Variants in VTI1A observed in about 807,000 individuals in gnomAD.
The protein encoded by VTI1A is vesicle transport through interaction with t-SNAREs homolog 1A.
A neutral mutation model predicts 34.9 loss-of-function variants in VTI1A; 22 were observed. That is an observed-to-expected ratio of 0.63 (90% CI 0.45 to 0.90). VTI1A has a LOEUF of 0.90. VTI1A is among the 40% of genes least tolerant of loss of function. The pLI is 0.00. For synonymous variants in VTI1A, 87 were observed against 97.3 expected (o/e 0.89, Z 0.62); for missense variants, 268 against 275.6 (o/e 0.97, Z 0.20).
At chr10:112,674,816 T>C (rs990964621) in intron 7 of VTI1A, among the ~76,000 whole-genome samples, 4 of 152,216 alleles carry the variant, frequency 2.6e-5, no homozygotes, top group South Asian at 2.1e-4. Context: ...CTTAGTTTGC[T>C]CTTTTGACAC....
At chr10:112,755,306 A>G (rs1402359361) in intron 7 of VTI1A, among the ~76,000 whole-genome samples, 3 of 152,150 alleles carry the variant, frequency 2.0e-5, no homozygotes, top group Non-Finnish European at 4.4e-5. Context: ...ATTCTGTGAC[A>G]TATCTGCCAC....
chr10:112,585,663 C>CTTTTTTT (rs61436886), intron 5 of VTI1A, among the ~76,000 whole-genome samples: 2 of 117,296 alleles, frequency 1.7e-5, no homozygotes, highest in Admixed American at 8.9e-5. Flanking sequence ...TTGTGGATTT[C>CTTTTTTT]TTTTTTTTTT....
intron 3 of VTI1A, among the ~76,000 whole-genome samples, chr10:112,495,791 T>C (rs538735064): frequency 3.3e-5 from 5 of 152,152 alleles, no homozygotes; most frequent in Admixed American, 1.3e-4. Context: ...AGAGTTCAAG[T>C]AGAATTTAGA....
rs759385324 is a variant in VTI1A, at chr10:112,815,131, TCG to T, written c.561-151_561-150del. 8.8e-3 allele frequency among the ~76,000 whole-genome samples: 1,145 copies of T among 130,342 alleles called. 16 individuals are homozygous for T. The highest frequency in any genetic ancestry group is 0.029 in the African/African-American group (982 of 33,416). 85.5% of individuals were successfully genotyped at this position (130,342 alleles called of 152,430 possible). A position where few individuals can be genotyped will look rare whatever the true frequency, so the allele number is the denominator to read the frequency against. ...ACCAGAAAGCTGCGTGATGTCTCTT[TCG>T]CGCGCGCACACACACACACACACAC... On this transcript the variant is annotated intron_variant, in intron 7 of 7. Coordinates refer to ENST00000393077, the MANE Select transcript of VTI1A (RefSeq NM_145206.4).
chr10:112,830,849 A>ATTTTTTTTTTTTTT, the VTI1A span, among the ~76,000 whole-genome samples: 4 of 33,500 alleles, frequency 1.2e-4, no homozygotes, highest in East Asian at 1.5e-3. Flanking sequence ...ATATATATAT[A>ATTTTTTTTTTTTTT]TTTTTTTTTT....
intron 5 of VTI1A, among the ~76,000 whole-genome samples, chr10:112,606,947 G>A (rs1008624888): frequency 2.0e-5 from 3 of 152,044 alleles, no homozygotes. Context: ...TCTCATCCTC[G>A]CAGCAACCCA....
At chr10:112,493,992 T>C (rs141860801) in intron 3 of VTI1A, among the ~76,000 whole-genome samples, 1 of 152,336 alleles carries the variant, frequency 6.6e-6, no homozygotes, top group African/African-American at 2.4e-5. Flanking sequence ...AGGAAGTGTT[T>C]CTTCCTCTGT....
intron 7 of VTI1A, among the ~76,000 whole-genome samples, chr10:112,763,140 C>A (rs1214643763): frequency 6.6e-6 from 1 of 152,050 alleles, no homozygotes; most frequent in Non-Finnish European, 1.5e-5. Flanking sequence ...AAATGTACCA[C>A]TGGGCCAGGC....
intron 7 of VTI1A, among the ~76,000 whole-genome samples, chr10:112,721,049 A>G (rs1849788414): frequency 6.6e-6 from 1 of 152,182 alleles, no homozygotes; most frequent in South Asian, 2.1e-4. Context: ...ATCCTCATAG[A>G]AGCATATGTA....
chr10:112,623,949 T>C (rs757260702), intron 5 of VTI1A, among the ~76,000 whole-genome samples: 2 of 152,180 alleles, frequency 1.3e-5, no homozygotes, highest in Non-Finnish European at 1.5e-5. Flanking sequence ...GTGAAACCTA[T>C]TGTAGCAGCA....
At chr10:112,534,805 G>C (rs967461819) in intron 4 of VTI1A, among the ~76,000 whole-genome samples, 2 of 152,088 alleles carry the variant, frequency 1.3e-5, no homozygotes, top group Non-Finnish European at 2.9e-5. Flanking sequence ...TTATTTTTCT[G>C]CAAGATAGAG....
At chr10:112,506,716 C>A (rs927302553) in intron 3 of VTI1A, among the ~76,000 whole-genome samples, 1 of 152,140 alleles carries the variant, frequency 6.6e-6, no homozygotes, top group Non-Finnish European at 1.5e-5. Context: ...TTCCTTCTTG[C>A]AAATCTCATT....
chr10:112,527,789 A>T (rs1850288309), intron 4 of VTI1A, among the ~76,000 whole-genome samples: 1 of 151,880 alleles, frequency 6.6e-6, no homozygotes, highest in African/African-American at 2.4e-5. Context: ...AAAATAAGAT[A>T]CAGTTTCTTC....
chr10:112,852,071 A>T, the VTI1A span, among the ~76,000 whole-genome samples: 1 of 152,194 alleles, frequency 6.6e-6, no homozygotes, highest in Admixed American at 6.5e-5. Context: ...AGGAAGCTCT[A>T]AGCTAAATTT....
At chr10:112,848,028 C>T in the VTI1A span, among the ~76,000 whole-genome samples, 159 of 152,264 alleles carry the variant, frequency 1.0e-3, 1 homozygote, top group African/African-American at 3.7e-3. Context: ...AAATAATAAA[C>T]TGTTGTTTTA....
intron 5 of VTI1A, among the ~76,000 whole-genome samples, chr10:112,592,480 C>G (rs1844431707): frequency 6.6e-6 from 1 of 152,212 alleles, no homozygotes; most frequent in African/African-American, 2.4e-5. Context: ...AAAAATCACT[C>G]CTGCATCTGT....
chr10:112,692,107 A>G (rs1476884494), intron 7 of VTI1A, among the ~76,000 whole-genome samples: 3 of 152,244 alleles, frequency 2.0e-5, no homozygotes, highest in South Asian at 4.1e-4. Context: ...AAATGTTACT[A>G]AACACCTCTG....
At chr10:112,540,430 T>C (rs1017273046) in intron 5 of VTI1A, among the ~76,000 whole-genome samples, 9 of 152,314 alleles carry the variant, frequency 5.9e-5, no homozygotes, top group African/African-American at 2.2e-4. Flanking sequence ...ACATAAGGCT[T>C]GGGAACTTCT....
intron 7 of VTI1A, among the ~76,000 whole-genome samples, chr10:112,722,583 C>G (rs1164153230): frequency 6.6e-6 from 1 of 151,956 alleles, no homozygotes; most frequent in African/African-American, 2.4e-5. Context: ...TTGTGACTAT[C>G]CAAGAGAAAG....
Sources: allele counts gnomAD v4.1 joint callset (sites outside exome capture counted in the v4.1 genomes callset), GRCh38; gene constraint gnomAD v4.1.1; transcripts MANE v1.5; gene names NCBI Gene and HGNC (gene_info 2026-07-23, HGNC 2026-07-21).